MTCL2: variants seen among roughly 807,000 people sequenced by gnomAD.
MTCL2 encodes microtubule cross-linking factor 2.
At chr20:36,810,161 G>T in the MTCL2 span, 6 of 1,533,962 alleles carry the variant, frequency 3.9e-6, no homozygotes, top group Admixed American at 1.2e-4. Context: ...AGGAAGAAGT[G>T]GATAGAAATT....
the MTCL2 span, among the ~76,000 whole-genome samples, chr20:36,841,876 T>TGTGTGGGG: frequency 7.6e-4 from 48 of 63,420 alleles, no homozygotes; most frequent in South Asian, 2.3e-3. Context: ...GGGGGTGGGG[T>TGTGTGGGG]GTGTGTGTGT....
the MTCL2 span, among the ~76,000 whole-genome samples, chr20:36,810,725 T>TCTCTCC: frequency 7.1e-6 from 1 of 141,444 alleles, no homozygotes; most frequent in Admixed American, 7.2e-5. Context: ...TCCCTCTCTC[T>TCTCTCC]CTCTCTCTCT....
chr20:36,818,802 T>C, the MTCL2 span, among the ~76,000 whole-genome samples: 169 of 152,284 alleles, frequency 1.1e-3, no homozygotes, highest in Admixed American at 3.3e-3. Flanking sequence ...AGGGTTGATA[T>C]CCTAAATATG....
chr20:36,841,864 TG>T, the MTCL2 span, among the ~76,000 whole-genome samples: 2 of 100,054 alleles, frequency 2.0e-5, no homozygotes, highest in African/African-American at 8.1e-5. Flanking sequence ...ACATCGGGGG[TG>T]GGGGGTGGGG....
the MTCL2 span, chr20:36,815,269 T>G: frequency 1.9e-6 from 3 of 1,613,956 alleles, 1 homozygote; most frequent in Admixed American, 5.0e-5. This position sits in a 1 kb window ranked among gnomAD's most constrained non-coding sequence, Gnocchi z 5.3. Context: ...GTGAAGGCAT[T>G]CAGCTCCTGC....
the MTCL2 span, among the ~76,000 whole-genome samples, chr20:36,820,810 C>A: frequency 2.0e-5 from 3 of 151,554 alleles, no homozygotes; most frequent in African/African-American, 7.3e-5. Context: ...CCACTGCACT[C>A]CAGCCTGGGC....
chr20:36,789,959 A>G, the MTCL2 span, among the ~76,000 whole-genome samples: 2 of 147,144 alleles, frequency 1.4e-5, no homozygotes, highest in Admixed American at 1.4e-4. Context: ...AACTGTAAGC[A>G]TGTGCCACCA....
At chr20:36,779,319 C>T in the MTCL2 span, 10 of 152,462 alleles carry the variant, frequency 6.6e-5, no homozygotes, top group Non-Finnish European at 1.5e-5. Context: ...ACTGAATGGA[C>T]AAAGAGATGG....
At chr20:36,852,562 G>A in the MTCL2 span, among the ~76,000 whole-genome samples, 2 of 152,248 alleles carry the variant, frequency 1.3e-5, no homozygotes, top group East Asian at 3.8e-4. Context: ...AGCAGCAGGG[G>A]AGGGAAACCA....
chr20:36,844,833 C>T, the MTCL2 span, among the ~76,000 whole-genome samples: 1 of 152,002 alleles, frequency 6.6e-6, no homozygotes, highest in Non-Finnish European at 1.5e-5. Flanking sequence ...CCAGCCTGGG[C>T]AACTTGGTGA....
the MTCL2 span, among the ~76,000 whole-genome samples, chr20:36,849,196 G>A: frequency 6.7e-6 from 1 of 150,126 alleles, no homozygotes; most frequent in South Asian, 2.1e-4. Context: ...CGAGTAGCTG[G>A]GATTACAGGC....
chr20:36,793,802 T>C, the MTCL2 span: 3 of 1,541,982 alleles, frequency 1.9e-6, no homozygotes, highest in Non-Finnish European at 1.7e-6. The surrounding 1 kb of genome is among the most constrained non-coding windows in gnomAD (Gnocchi z 6.8). Flanking sequence ...GATGCGCGAA[T>C]GGACCTTGTC....
At chr20:36,813,313 TAAAAAAAA>T in the MTCL2 span, among the ~76,000 whole-genome samples, 24 of 41,898 alleles carry the variant, frequency 5.7e-4, no homozygotes, top group African/African-American at 1.0e-3. Context: ...ACTGTTTCTT[TAAAAAAAA>T]AAAAAAAAAA....
chr20:36,863,172 G>A, the MTCL2 span: 2 of 1,339,766 alleles, frequency 1.5e-6, no homozygotes, highest in South Asian at 1.7e-5. This position sits in a 1 kb window ranked among gnomAD's most constrained non-coding sequence, Gnocchi z 6.2. Flanking sequence ...GGCGACTGCT[G>A]AGCCCGGGCC....
the MTCL2 span, among the ~76,000 whole-genome samples, chr20:36,821,762 T>C: frequency 6.6e-6 from 1 of 152,132 alleles, no homozygotes; most frequent in African/African-American, 2.4e-5. Flanking sequence ...TAAATACACA[T>C]ATATGTATAC....
At chr20:36,793,985 T>C in the MTCL2 span, 2 of 1,551,648 alleles carry the variant, frequency 1.3e-6, no homozygotes, top group East Asian at 2.4e-5. This position sits in a 1 kb window ranked among gnomAD's most constrained non-coding sequence, Gnocchi z 6.8. Flanking sequence ...GGATGTGCTC[T>C]TCACTTTCCT....
At chr20:36,853,706 T>TGTGG in the MTCL2 span, among the ~76,000 whole-genome samples, 1 of 31,760 alleles carries the variant, frequency 3.1e-5, no homozygotes, top group East Asian at 2.1e-3. Flanking sequence ...GGGAGGGGTG[T>TGTGG]GTGTGTGTGT....
the MTCL2 span, among the ~76,000 whole-genome samples, chr20:36,795,088 G>A: frequency 3.3e-5 from 5 of 151,968 alleles, no homozygotes; most frequent in East Asian, 3.9e-4. Context: ...ACAGGCGTGC[G>A]CCACCACGCC....
chr20:36,831,381 A>C, the MTCL2 span, among the ~76,000 whole-genome samples: 1 of 152,166 alleles, frequency 6.6e-6, no homozygotes, highest in Non-Finnish European at 1.5e-5. Context: ...AGTATAGCCC[A>C]GGGTTTCCCA....
Sources: allele counts gnomAD v4.1 joint callset (sites outside exome capture counted in the v4.1 genomes callset), GRCh38; gene constraint gnomAD v4.1.1; non-coding constraint Gnocchi (gnomAD v3.1); transcripts MANE v1.5; gene names NCBI Gene and HGNC (gene_info 2026-07-23, HGNC 2026-07-21).